Variants in SLC35F4 observed in about 807,000 individuals in gnomAD.
SLC35F4 encodes the protein chromosome 14 open reading frame 36.
A neutral mutation model predicts 44.2 loss-of-function variants in SLC35F4; 24 were observed. The observed-to-expected ratio is 0.54, with a 90% CI of 0.39 to 0.76. The LOEUF (loss-of-function observed/expected upper bound fraction) is 0.76. Ranked by LOEUF, SLC35F4 falls within the 30% of genes least tolerant of loss-of-function variation. SLC35F4 has a pLI of 0.00. For missense variants in SLC35F4, 562 were observed against 586.1 expected (o/e 0.96, Z 0.42); for synonymous variants, 238 against 223.6 (o/e 1.06, Z -0.57).
chr14:57,653,162 A>G (rs1304132285), intron 1 of SLC35F4, among the ~76,000 whole-genome samples: 1 of 152,202 alleles, frequency 6.6e-6, no homozygotes, highest in Non-Finnish European at 1.5e-5. Flanking sequence ...AAGGTCTTTA[A>G]TAGTTACTAT....
At chr14:57,800,502 G>C (rs2078165806) in intron 1 of SLC35F4, among the ~76,000 whole-genome samples, 1 of 152,168 alleles carries the variant, frequency 6.6e-6, no homozygotes, top group Non-Finnish European at 1.5e-5. Context: ...GCACAGAACT[G>C]GACTGAGGCT....
intron 1 of SLC35F4, among the ~76,000 whole-genome samples, chr14:57,682,602 C>T (rs75634672): frequency 0.045 from 6,847 of 150,592 alleles, 207 homozygotes; most frequent in Non-Finnish European, 0.069. Flanking sequence ...TAAACATGCA[C>T]GTTCTGCACA....
intron 1 of SLC35F4, among the ~76,000 whole-genome samples, chr14:57,791,015 T>C (rs2077904026): frequency 6.6e-6 from 1 of 152,078 alleles, no homozygotes. Context: ...ACATAAGACC[T>C]AAAACCATAA....
At chr14:57,895,550 G>A (rs1053654884) in intron 1 of SLC35F4, among the ~76,000 whole-genome samples, 1 of 151,774 alleles carries the variant, frequency 6.6e-6, no homozygotes, top group African/African-American at 2.4e-5. Context: ...TTAAAAGCAT[G>A]TGGCACTTAC....
At chr14:57,590,970 A>G (rs1422606845) in intron 2 of SLC35F4, among the ~76,000 whole-genome samples, 1 of 152,264 alleles carries the variant, frequency 6.6e-6, no homozygotes, top group Admixed American at 6.5e-5. Flanking sequence ...AAAGGAGAAG[A>G]GAGCCTTGAA....
At chr14:57,748,063 T>C (rs969593004) in intron 1 of SLC35F4, among the ~76,000 whole-genome samples, 1 of 152,200 alleles carries the variant, frequency 6.6e-6, no homozygotes, top group Non-Finnish European at 1.5e-5. Flanking sequence ...ATTGAAAGCA[T>C]TTTATTTTTA....
intron 1 of SLC35F4, chr14:57,630,130 G>C (rs891537278): frequency 3.6e-5 from 20 of 550,482 alleles, no homozygotes; most frequent in Non-Finnish European, 7.0e-5. Context: ...AAGTGGATTT[G>C]TGGATGGCAG....
intron 5 of SLC35F4, among the ~76,000 whole-genome samples, chr14:57,570,380 A>G (rs2068436351): frequency 6.6e-6 from 1 of 152,184 alleles, no homozygotes; most frequent in African/African-American, 2.4e-5. Context: ...GATACTGAAA[A>G]CTAAATTGGA....
chr14:57,743,845 G>A (rs548341794), intron 1 of SLC35F4, among the ~76,000 whole-genome samples: 3 of 152,212 alleles, frequency 2.0e-5, no homozygotes, highest in Admixed American at 2.0e-4. Context: ...CTGGCAAACC[G>A]AATCCAGCAG....
chr14:57,693,522 C>T (rs2075293494), intron 1 of SLC35F4, among the ~76,000 whole-genome samples: 1 of 152,218 alleles, frequency 6.6e-6, no homozygotes, highest in African/African-American at 2.4e-5. Flanking sequence ...GCTCCTGCTG[C>T]AGATAACTAG....
At chr14:57,619,401 G>T (rs190111397) in intron 1 of SLC35F4, among the ~76,000 whole-genome samples, 2 of 152,268 alleles carry the variant, frequency 1.3e-5, no homozygotes, top group Non-Finnish European at 1.5e-5. Context: ...AGGCAAAAAA[G>T]GTCTGGAGTG....
intron 1 of SLC35F4, among the ~76,000 whole-genome samples, chr14:57,669,710 A>C (rs57525132): frequency 0.16 from 23,728 of 151,928 alleles, 2,009 homozygotes; most frequent in East Asian, 0.29. Flanking sequence ...AAGCTTTTTG[A>C]TGTGCTGCTG....
intron 1 of SLC35F4, among the ~76,000 whole-genome samples, chr14:57,718,951 A>T (rs896709255): frequency 2.0e-5 from 3 of 152,128 alleles, no homozygotes. Flanking sequence ...ATTTTCTTGT[A>T]GTTATTTCAT....
chr14:57,977,787 A>C (rs544182698), intron 1 of SLC35F4, among the ~76,000 whole-genome samples: 42 of 152,168 alleles, frequency 2.8e-4, no homozygotes, highest in Non-Finnish European at 5.7e-4. Flanking sequence ...CTATAAATGC[A>C]CTACTTCTGC....
At chr14:57,809,358 C>T (rs1239605589) in intron 1 of SLC35F4, among the ~76,000 whole-genome samples, 3 of 152,156 alleles carry the variant, frequency 2.0e-5, no homozygotes, top group African/African-American at 7.2e-5. Context: ...TGACTTCTGG[C>T]CAATAGACTA....
chr14:57,690,984 G>T (rs189292533), intron 1 of SLC35F4, among the ~76,000 whole-genome samples: 270 of 152,260 alleles, frequency 1.8e-3, no homozygotes, highest in African/African-American at 6.2e-3. Flanking sequence ...TAGAGCAGGG[G>T]TCCCCAACCC....
intron 1 of SLC35F4, among the ~76,000 whole-genome samples, chr14:57,971,457 C>A (rs1881051650): frequency 6.6e-6 from 1 of 152,208 alleles, no homozygotes; most frequent in African/African-American, 2.4e-5. Flanking sequence ...GATTCTCCCC[C>A]TATCGCCAGA....
rs1323488074 is a variant in SLC35F4, at chr14:57,818,072, A to G, written c.103+47651T>C. Among the ~76,000 whole-genome samples, 4 of 152,152 alleles carry G rather than the reference A, an allele frequency of 2.6e-5. No individual in the cohort carries two copies. The East Asian group carries it at 7.7e-4, about 29-fold the overall frequency. On this transcript the variant is annotated intron_variant, in intron 1 of 7. Transcript: ENST00000556826. ...CTGTGGAACTGGGCTCCCAACTTCA[A>G]CATCAGTATATATATTAGGTTGTGG...
intron 1 of SLC35F4, among the ~76,000 whole-genome samples, chr14:57,874,152 C>T (rs1215290291): frequency 2.0e-5 from 3 of 152,184 alleles, no homozygotes; most frequent in Admixed American, 6.5e-5. Flanking sequence ...CATCTGACTA[C>T]TACTACTCCT....
Sources: allele counts gnomAD v4.1 joint callset (sites outside exome capture counted in the v4.1 genomes callset), GRCh38; gene constraint gnomAD v4.1.1; transcripts MANE v1.5; gene names NCBI Gene and HGNC (gene_info 2026-07-23, HGNC 2026-07-21).